ZSCAN18: variants seen among roughly 807,000 people sequenced by gnomAD.
ZSCAN18 encodes zinc finger and SCAN domain-containing protein 18.
Under a neutral mutation model 31.1 loss-of-function variants are expected in ZSCAN18, and 16 were observed. The ratio of observed to expected loss-of-function variants is 0.51; its 90% CI spans 0.35 to 0.78. The LOEUF is 0.78. Among genes scored for constraint, ZSCAN18 ranks in the 30% least tolerant of loss-of-function variants. The pLI is 0.01. For missense variants in ZSCAN18, 731 were observed against 697.4 expected (o/e 1.05, Z -0.54); for synonymous variants, 375 against 320.7 (o/e 1.17, Z -1.81).
Position 58,084,529 on chromosome 19 carries a change from G to T in ZSCAN18, c.*156C>A. 1.4e-6 allele frequency: 1 copy of T among 705,860 alleles called. No homozygotes were observed. Among genetic ancestry groups the T allele is most frequent in the Non-Finnish European group, 2.1e-6 (1 of 468,078 alleles). 43.7% of individuals were successfully genotyped at this position (705,860 alleles called of 1,614,324 possible). On this transcript the variant is annotated 3_prime_UTR_variant, in exon 7 of 7. Transcript: ENST00000601144. This position sits in a 1 kb window ranked among gnomAD's most constrained non-coding sequence, Gnocchi z 4.5. ...GGCTTCCCGTGGACCCTTCTCGTTG[G>T]GAGCGCTTAGCCTCAGGAGCGGATT...
At position 58,084,654 on chromosome 19, in the gene ZSCAN18, C is replaced by T. The variant is rs2074221889; in HGVS notation, c.*31G>A. 4.9e-6 allele frequency: 7 copies of T among 1,440,872 alleles called. No homozygotes were observed. Among genetic ancestry groups the T allele is most frequent in the South Asian group, 4.4e-5 (3 of 67,736 alleles). The allele number at this position is 1,440,872 out of a possible 1,614,324, so 89.3% of individuals were successfully genotyped here. ...CGTCTGGGATTCACGGCCGGCAAAG[C>T]GGCCCCTCCGGAACGGGACAGCACA... On this transcript the variant is annotated 3_prime_UTR_variant, in exon 7 of 7. Coordinates refer to ENST00000601144, the MANE Select transcript of ZSCAN18 (RefSeq NM_001145543.2). The surrounding 1 kb of genome is among the most constrained non-coding windows in gnomAD (Gnocchi z 4.5).
intron 1 of ZSCAN18, among the ~76,000 whole-genome samples, chr19:58,112,718 G>T (rs145439945): frequency 6.6e-6 from 1 of 151,492 alleles, no homozygotes; most frequent in Non-Finnish European, 1.5e-5. Context: ...AGGAGGCCGA[G>T]GGGGGCAGAT....
chr19:58,108,245 C>A (rs989115666), intron 1 of ZSCAN18: 2 of 985,408 alleles, frequency 2.0e-6, no homozygotes, highest in South Asian at 9.4e-5. Context: ...CCTTTCTACA[C>A]CCAGTACATA....
chr19:58,096,478 G>A (rs921221498), intron 1 of ZSCAN18, among the ~76,000 whole-genome samples: 2 of 152,212 alleles, frequency 1.3e-5, no homozygotes, highest in African/African-American at 4.8e-5. Flanking sequence ...CAGAAGCTGA[G>A]GCAGAGAGCT....
At chr19:58,113,223 C>T (rs541394949) in intron 1 of ZSCAN18, among the ~76,000 whole-genome samples, 76 of 148,772 alleles carry the variant, frequency 5.1e-4, no homozygotes, top group African/African-American at 1.7e-3. Context: ...GGCTGAGGCA[C>T]GAGAATGGCG....
intron 1 of ZSCAN18, among the ~76,000 whole-genome samples, chr19:58,104,889 T>A (rs295347): frequency 2.0e-5 from 3 of 152,214 alleles, no homozygotes; most frequent in African/African-American, 7.2e-5. Context: ...GGAAGGTCGC[T>A]ACAGTAGACA....
chr19:58,115,182 C>G (rs997557848), intron 1 of ZSCAN18, among the ~76,000 whole-genome samples: 4 of 152,232 alleles, frequency 2.6e-5, no homozygotes, highest in Admixed American at 6.5e-5. Context: ...GGCCCTCTAG[C>G]TGCTCCCAGT....
rs759318899 is a variant in ZSCAN18 at position 58,090,186 on chromosome 19, C to T, written c.82G>A (p.Gly28Arg). The T allele has an allele frequency of 2.0e-5, 33 of 1,613,592 alleles. No homozygotes were observed. The highest frequency in any genetic ancestry group is 4.0e-5 in the African/African-American group (3 of 74,920). ...PDLPTPGSAA[G>R]VQQEEPETIP... ...GTCTCGGGTTCTTCCTGCTGGACTC[C>T]GGCTGCTGACCCCGGCGTGGGCAGA... is the stretch of plus-strand genomic sequence containing the variant. The change falls in exon 2 of 7, where the codon GGA (glycine) becomes AGA (arginine). Residue 28 changes from glycine (G) to arginine (R), a missense_variant. Coordinates refer to ENST00000601144, the MANE Select transcript of ZSCAN18 (RefSeq NM_001145543.2). This position sits in a 1 kb window ranked among gnomAD's most constrained non-coding sequence, Gnocchi z 4.7.
rs1212712160 is a variant in ZSCAN18, at chr19:58,086,103, AG to A, written c.838+70del. Reference sequence around the variant, plus strand: ...CTTTGCTGGGGCTGATGGCGCTGGGAGGGGCCCCCTCAGCCTCTGAAGAAAA... The same window carrying A: ...CTTTGCTGGGGCTGATGGCGCTGGGAGGGCCCCCTCAGCCTCTGAAGAAAA... On this transcript the variant is annotated intron_variant, in intron 6 of 6. Coordinates refer to ENST00000601144, the MANE Select transcript of ZSCAN18 (RefSeq NM_001145543.2). The A allele has an allele frequency of 8.4e-6, 11 of 1,310,328 alleles. No individual in the cohort carries two copies. The East Asian group carries it at 2.1e-4, about 25-fold the overall frequency. The allele number at this position is 1,310,328 out of a possible 1,614,324, so 81.2% of individuals were successfully genotyped here.
chr19:58,110,028 C>A (rs982570155), intron 1 of ZSCAN18, among the ~76,000 whole-genome samples: 1 of 152,150 alleles, frequency 6.6e-6, no homozygotes, highest in African/African-American at 2.4e-5. Context: ...GTGCATGTTA[C>A]CACTCACAGA....
Position 58,090,034 on chromosome 19 carries a change from C to A in ZSCAN18, c.234G>T (p.Leu78=). ...GCTCCTTGGAGCGCGCCTCAGGCAT[C>A]AGCCACTGGCGGCACAGCTCATGCA... The part of the protein sequence containing the change: ...ARLHELCRQW[L]MPEARSKEQM... The change falls in exon 2 of 7, where the codon CTG becomes CTT. Residue 78 remains leucine (L), a synonymous_variant. Transcript: ENST00000601144. The surrounding 1 kb of genome is among the most constrained non-coding windows in gnomAD (Gnocchi z 4.7). The A allele has an allele frequency of 6.2e-7, 1 of 1,614,018 alleles. No homozygotes were observed. Among genetic ancestry groups the A allele is most frequent in the Admixed American group, 1.7e-5 (1 of 60,026 alleles).
At chr19:58,092,253 C>T (rs970358688) in intron 1 of ZSCAN18, among the ~76,000 whole-genome samples, 2 of 152,020 alleles carry the variant, frequency 1.3e-5, no homozygotes, top group Non-Finnish European at 2.9e-5. Context: ...AAATTACACT[C>T]AATAAGCTGT....
chr19:58,102,375 G>A (rs564163853), upstream of ZSCAN18, among the ~76,000 whole-genome samples: 121 of 152,142 alleles, frequency 8.0e-4, no homozygotes, highest in African/African-American at 2.8e-3. Flanking sequence ...GCAGGAGAAT[G>A]GTGTGAACCC....
upstream of ZSCAN18, chr19:58,098,244 G>A: frequency 1.0e-6 from 1 of 985,482 alleles, no homozygotes; most frequent in African/African-American, 1.7e-5. Flanking sequence ...CCGGCAAACT[G>A]CGCCTGCGCA....
intron 1 of ZSCAN18, among the ~76,000 whole-genome samples, chr19:58,103,918 C>A (rs1164176116): frequency 1.3e-5 from 2 of 152,156 alleles, no homozygotes; most frequent in East Asian, 1.9e-4. Context: ...TGACAAGAAA[C>A]TGAAACAGCC....
intron 1 of ZSCAN18, among the ~76,000 whole-genome samples, chr19:58,094,011 C>T (rs1422567272): frequency 2.6e-5 from 4 of 152,052 alleles, no homozygotes; most frequent in South Asian, 2.1e-4. Flanking sequence ...GTGATCCACC[C>T]GCCTCGGCCT....
chr19:58,116,757 G>C (rs931886215), intron 1 of ZSCAN18, among the ~76,000 whole-genome samples: 1 of 152,232 alleles, frequency 6.6e-6, no homozygotes, highest in Admixed American at 6.5e-5. Context: ...ACTGAGTAAG[G>C]AGAGTGTTTA....
At chr19:58,116,072 A>T (rs1315838187) in intron 1 of ZSCAN18, among the ~76,000 whole-genome samples, 1 of 143,962 alleles carries the variant, frequency 6.9e-6, no homozygotes, top group Non-Finnish European at 1.5e-5. Context: ...GGTTGGGGAG[A>T]GAAGAAGGTT....
At chr19:58,101,299 A>ATTTTTTTT (rs71188078), upstream of ZSCAN18, among the ~76,000 whole-genome samples, 463 of 108,160 alleles carry the variant, frequency 4.3e-3, no homozygotes, top group East Asian at 7.7e-3. Flanking sequence ...TGCCCAGCTA[A>ATTTTTTTT]TTTTTTTTTT....
Sources: allele counts gnomAD v4.1 joint callset (sites outside exome capture counted in the v4.1 genomes callset), GRCh38; gene constraint gnomAD v4.1.1; non-coding constraint Gnocchi (gnomAD v3.1); transcripts MANE v1.5; gene names NCBI Gene and HGNC (gene_info 2026-07-23, HGNC 2026-07-21).